The following AHNAK variants were observed in gnomAD, a reference collection of about 807,000 sequenced individuals.
AHNAK encodes the protein AHNAK nucleoprotein.
AHNAK carries 23 observed loss-of-function variants against 37.8 expected under a neutral mutation model. The ratio of observed to expected loss-of-function variants is 0.61; its 90% CI spans 0.44 to 0.86. AHNAK has a LOEUF of 0.86. Among genes scored for constraint, AHNAK ranks in the 40% least tolerant of loss-of-function variants. AHNAK has a pLI of 0.00. For synonymous variants in AHNAK, 2,481 were observed against 2,636.3 expected (o/e 0.94, Z 1.80); for missense variants, 7,411 against 7,319.4 (o/e 1.01, Z -0.46).
In AHNAK at chr11:62,527,699, G is replaced by T. The variant is rs752719830; in HGVS notation, c.6718C>A (p.His2240Asn). 6.2e-6 allele frequency: 10 copies of T among 1,613,938 alleles called. No homozygotes were observed. The highest frequency in any genetic ancestry group is 1.3e-5 in the African/African-American group (1 of 74,854). Reference protein sequence around the residue: ...PDVDVHGPDWHLKMPKMKMPK... With the variant: ...PDVDVHGPDWNLKMPKMKMPK... ...ATTTTCATCTTAGGCATCTTCAGGT[G>T]CCAGTCTGGGCCATGAACATCCACA... The change falls in exon 5 of 5, where the codon CAC becomes AAC. Residue 2240 changes from histidine to asparagine, a missense_variant. Transcript: ENST00000378024.
chr11:62,494,557 G>A (rs1284634958), intron 4 of AHNAK, among the ~76,000 whole-genome samples: 6 of 151,950 alleles, frequency 3.9e-5, no homozygotes, highest in Admixed American at 3.9e-4. Context: ...ACTTGCCCTA[G>A]ATGGTACAGC....
Position 62,526,775 on chromosome 11 carries a change from T to A in AHNAK, c.7642A>T (p.Ile2548Phe). The change falls in exon 5 of 5, where the codon ATT becomes TTT. Residue 2548 changes from isoleucine to phenylalanine, a missense_variant. Coordinates refer to ENST00000378024, the MANE Select transcript of AHNAK (RefSeq NM_001620.3). ...DVDISGPKVD[I>F]EGPDVNIEGP... ...TCAATATTAACATCAGGGCCTTCAA[T>A]GTCCACCTTGGGTCCTGAGATGTCA... 6.2e-7 allele frequency: 1 copy of A among 1,614,012 alleles called. No homozygotes were observed. The highest frequency in any genetic ancestry group is 8.5e-7 in the Non-Finnish European group (1 of 1,180,016).
intron 4 of AHNAK, among the ~76,000 whole-genome samples, chr11:62,508,187 T>G (rs963030818): frequency 6.6e-6 from 1 of 152,202 alleles, no homozygotes; most frequent in Admixed American, 6.5e-5. Flanking sequence ...AGGCATCCTC[T>G]ATTTCCTAAA....
intron 5 of AHNAK, among the ~76,000 whole-genome samples, chr11:62,454,817 GC>G (rs1293190441): frequency 2.0e-5 from 3 of 152,108 alleles, no homozygotes; most frequent in African/African-American, 4.8e-5. Context: ...TGAAATGCCT[GC>G]CCCCATGTCT....
intron 5 of AHNAK, among the ~76,000 whole-genome samples, chr11:62,443,275 C>CTTTTTTTTTTT (rs530619642): frequency 0.029 from 2,869 of 99,464 alleles, 288 homozygotes; most frequent in Admixed American, 0.041. Context: ...TGCACCCGGC[C>CTTTTTTTTTTT]TTTTTTTTTT....
chr11:62,522,978 G>A lies in AHNAK; in HGVS notation c.11439C>T (p.Ser3813=), dbSNP rs1940323086. 1 of 1,613,594 alleles carries A rather than the reference G, an allele frequency of 6.2e-7. No individual in the cohort carries two copies. Among genetic ancestry groups the A allele is most frequent in the African/African-American group, 1.3e-5 (1 of 74,738 alleles). ...GGCCCTCTCCTTTGAAGCCAGGCATGCTGAACTTGGGCATTTTCACCTTGG... is the reference window on the plus strand; with the variant it reads ...GGCCCTCTCCTTTGAAGCCAGGCATACTGAACTTGGGCATTTTCACCTTGG... ...KMPKVKMPKF[S]MPGFKGEGPD... The change falls in exon 5 of 5, where the codon AGC becomes AGT. Residue 3813 remains serine (S), a synonymous_variant. Transcript: ENST00000378024.
At chr11:62,455,628 C>G (rs1938639805) in intron 5 of AHNAK, among the ~76,000 whole-genome samples, 1 of 152,062 alleles carries the variant, frequency 6.6e-6, no homozygotes, top group Non-Finnish European at 1.5e-5. Flanking sequence ...TCACTTGAAC[C>G]TGGGAGGTGG....
In AHNAK at chr11:62,528,653, T is replaced by A. The variant is rs1309416826; in HGVS notation, c.5764A>T (p.Ile1922Phe). 2 of 1,608,854 alleles carry A rather than the reference T, an allele frequency of 1.2e-6. No homozygotes were observed. The highest frequency in any genetic ancestry group is 3.4e-5 in the Admixed American group (2 of 58,568). ...MPDMHFKAPK[I>F]SMPDVDLHLK... ...TGTAAGTCCACATCAGGCATGGAGA[T>A]CTTGGGGGCCTTGAAGTGCATGTCT... Residue 1922 changes from isoleucine (I) to phenylalanine (F), a missense_variant, in exon 5 of 5, where the codon ATC (isoleucine) becomes TTC (phenylalanine). By Grantham distance (21) the Ile-to-Phe change is conservative. Coordinates refer to ENST00000378024, the MANE Select transcript of AHNAK (RefSeq NM_001620.3).
exon 6 of AHNAK, chr11:62,433,748 C>A (rs960164390): frequency 7.8e-6 from 10 of 1,282,242 alleles, no homozygotes; most frequent in African/African-American, 1.5e-5. Flanking sequence ...AGCCGCCTCG[C>A]GGAAGGTATT....
At chr11:62,466,497 A>G (rs1938915843) in intron 5 of AHNAK, among the ~76,000 whole-genome samples, 1 of 132,810 alleles carries the variant, frequency 7.5e-6, no homozygotes. Context: ...TTTTTACCAG[A>G]CTCTCTTCTC....
Position 62,517,651 on chromosome 11 carries a change from C to T in AHNAK, c.16766G>A (p.Ser5589Asn). ...CCACTCACCCCCGGAACCTTTAACA[C>T]TCAAATGCCCTTCACCAAGGCTGAT... ...PDISLGEGHLSVKGSGGEWKG... is the reference protein window; with the variant it reads ...PDISLGEGHLNVKGSGGEWKG... Residue 5589 changes from serine to asparagine, a missense_variant, in exon 5 of 5, where the codon AGT becomes AAT. Transcript: ENST00000378024. 2 of 1,614,214 alleles carry T rather than the reference C, an allele frequency of 1.2e-6. No homozygotes were observed. Among genetic ancestry groups the T allele is most frequent in the Non-Finnish European group, 1.7e-6 (2 of 1,180,042 alleles).
At chr11:62,459,282 C>A (rs897764148) in intron 5 of AHNAK, among the ~76,000 whole-genome samples, 1 of 152,204 alleles carries the variant, frequency 6.6e-6, no homozygotes, top group Non-Finnish European at 1.5e-5. Context: ...AGGGAACTGA[C>A]TCAGGGCACT....
Position 62,536,015 on chromosome 11 carries a change from C to A in AHNAK, c.84G>T (p.Arg28Ser). Reference sequence around the variant, plus strand: ...CCTCCTGCACAAAGACGCCGTCGTCCCTCTGGGCGATGGTCAGCCCGTGGG... The same window carrying A: ...CCTCCTGCACAAAGACGCCGTCGTCACTCTGGGCGATGGTCAGCCCGTGGG... ...SGSHGLTIAQ[R>S]DDGVFVQEVT... Residue 28 changes from arginine (R) to serine (S), a missense_variant, in exon 3 of 5, where the codon AGG becomes AGT. Physicochemically the swap from Arg to Ser is moderately radical, Grantham distance 110. Transcript: ENST00000378024. The A allele has an allele frequency of 6.2e-7, 1 of 1,612,946 alleles. No homozygotes were observed. The highest frequency in any genetic ancestry group is 1.3e-5 in the African/African-American group (1 of 74,998).
In AHNAK at chr11:62,521,391, C is replaced by T. The variant is rs1329134193; in HGVS notation, c.13026G>A (p.Lys4342=). Residue 4342 remains lysine, a synonymous_variant, in exon 5 of 5, where the codon AAG becomes AAA. Transcript: ENST00000378024. ...EGPDVDVTLP[K]ADIEISGPKV... Reference sequence around the variant, plus strand: ...TGGGGCCAGAAATCTCAATGTCAGCCTTAGGAAGGGTAACATCCACATCTG... The same window carrying T: ...TGGGGCCAGAAATCTCAATGTCAGCTTTAGGAAGGGTAACATCCACATCTG... 3 of 1,613,538 alleles carry T rather than the reference C, an allele frequency of 1.9e-6. No homozygotes were observed. Among genetic ancestry groups the T allele is most frequent in the Non-Finnish European group, 2.5e-6 (3 of 1,179,904 alleles).
In AHNAK at chr11:62,526,046, G is replaced by A. The variant is rs1940470552; in HGVS notation, c.8371C>T (p.Pro2791Ser). 2 of 1,613,398 alleles carry A rather than the reference G, an allele frequency of 1.2e-6. No individual in the cohort carries two copies. Among genetic ancestry groups the A allele is most frequent in the Admixed American group, 1.7e-5 (1 of 59,910 alleles). The change falls in exon 5 of 5, where the codon CCC (proline) becomes TCC (serine). Residue 2791 changes from proline to serine, a missense_variant. Transcript: ENST00000378024. ...GEGPDVDVNL[P>S]KADIDVSGPK... ...CCTGAGACATCAATGTCAGCCTTGG[G>A]CAGGTTCACGTCCACATCTGGACCT... is the stretch of plus-strand genomic sequence containing the variant.
intron 1 of AHNAK, among the ~76,000 whole-genome samples, chr11:62,540,852 C>T (rs985072166): frequency 3.3e-5 from 5 of 152,158 alleles, no homozygotes; most frequent in African/African-American, 1.2e-4. Flanking sequence ...CCCATCCTGT[C>T]ACTTCAAAAC....
intron 5 of AHNAK, among the ~76,000 whole-genome samples, chr11:62,435,740 G>T (rs1400065392): frequency 2.0e-5 from 3 of 152,084 alleles, no homozygotes; most frequent in Non-Finnish European, 4.4e-5. Flanking sequence ...AAGAGATGGG[G>T]TCTTACTATA....
At position 62,484,047 on chromosome 11, in the gene AHNAK, A is replaced by AT. The variant is rs1939337194; in HGVS notation, c.442+7684_442+7685insA. 6.0e-5 allele frequency among the ~76,000 whole-genome samples: 9 copies of AT among 150,616 alleles called. No homozygotes were observed. The Admixed American group carries it at 6.0e-4, about 10-fold the overall frequency. On this transcript the variant is annotated intron_variant, in intron 5 of 5. Coordinates refer to the AHNAK transcript ENST00000257247. ...GCGAGACTCCATCTCAAAAAAAAAA[A>AT]AAAAAAAAAGAAAGGGCATGCATAG...
In AHNAK at chr11:62,516,707, TTATA is replaced by T; in HGVS notation, c.*33_*36del. On this transcript the variant is annotated 3_prime_UTR_variant, in exon 5 of 5. Transcript: ENST00000378024. ...CACACCACCCAAGGCTGATGTTTTGTTATATATATATATATGTACACACATACAA... is the reference window on the plus strand; with the variant it reads ...CACACCACCCAAGGCTGATGTTTTGTTATATATATATGTACACACATACAA... The T allele has an allele frequency of 2.7e-6, 4 of 1,481,742 alleles. No individual in the cohort carries two copies. The highest frequency in any genetic ancestry group is 1.8e-4 in the Middle Eastern group (1 of 5,478). The allele number at this position is 1,481,742 out of a possible 1,614,324, so 91.8% of individuals were successfully genotyped here.
Sources: allele counts gnomAD v4.1 joint callset (sites outside exome capture counted in the v4.1 genomes callset), GRCh38; gene constraint gnomAD v4.1.1; transcripts MANE v1.5; gene names NCBI Gene and HGNC (gene_info 2026-07-23, HGNC 2026-07-21).